The following CYTH3 variants were observed in gnomAD, a reference collection of about 807,000 sequenced individuals.
The protein encoded by CYTH3 is cytohesin 3, also known as cytohesin-3.
In CYTH3, 23 loss-of-function variants were observed where a neutral mutation model predicts 55.1. The ratio of observed to expected loss-of-function variants is 0.42; its 90% CI spans 0.30 to 0.59. The LOEUF (loss-of-function observed/expected upper bound fraction) is 0.59. Among genes scored for constraint, CYTH3 ranks in the 20% least tolerant of loss-of-function variants. The pLI, the probability that CYTH3 is intolerant of heterozygous loss-of-function variation, is 0.20. For synonymous variants in CYTH3, 249 were observed against 194.9 expected (o/e 1.28, Z -2.31); for missense variants, 413 against 524.8 (o/e 0.79, Z 2.08).
chr7:6,262,634 T>G (rs1399722437), intron 1 of CYTH3, among the ~76,000 whole-genome samples: 2 of 152,198 alleles, frequency 1.3e-5, no homozygotes, highest in African/African-American at 4.8e-5. Flanking sequence ...TTTGGATCAC[T>G]TGAGGCCAGT....
intron 1 of CYTH3, among the ~76,000 whole-genome samples, chr7:6,217,127 G>A (rs1473911874): frequency 1.3e-5 from 2 of 152,130 alleles, no homozygotes; most frequent in Non-Finnish European, 2.9e-5. Context: ...TGGCCAGGCT[G>A]GTCTCGAACT....
chr7:6,253,693 G>A (rs193273731), intron 1 of CYTH3, among the ~76,000 whole-genome samples: 1 of 152,270 alleles, frequency 6.6e-6, no homozygotes, highest in African/African-American at 2.4e-5. Context: ...GTAGGCACCT[G>A]TAGTCCCAGC....
chr7:6,182,100 T>G (rs1221951927), intron 4 of CYTH3, among the ~76,000 whole-genome samples: 2 of 152,162 alleles, frequency 1.3e-5, no homozygotes, highest in Non-Finnish European at 2.9e-5. Context: ...CAGGCTGGAG[T>G]GCATTAGTGC....
chr7:6,179,867 C>CCCACACACA (rs573069717), intron 4 of CYTH3, among the ~76,000 whole-genome samples: 1 of 142,212 alleles, frequency 7.0e-6, no homozygotes, highest in East Asian at 2.1e-4. Flanking sequence ...ACCACACACA[C>CCCACACACA]CCACACACAC....
At position 6,187,109 on chromosome 7, in the gene CYTH3, T is replaced by C; in HGVS notation, c.190A>G (p.Thr64Ala). Residue 64 changes from threonine to alanine, a missense_variant, in exon 4 of 13, where the codon ACT becomes GCT. By Grantham distance (58) the Thr-to-Ala change is moderately conservative. Around this residue, in one of 4 missense-constraint regions of CYTH3, gnomAD observed 152 missense variants for 148.1 expected, o/e 1.03. Coordinates refer to ENST00000350796, the MANE Select transcript of CYTH3 (RefSeq NM_004227.4). ...NLTSVEESKT[T>A]QRNKQIAMGR... is the part of the protein sequence containing the mutation. Reference sequence around the variant, plus strand: ...ATGGCTATCTGTTTGTTCCTCTGAGTCGTTTTGCTATTGGTGTGAAATAAT... The same window carrying C: ...ATGGCTATCTGTTTGTTCCTCTGAGCCGTTTTGCTATTGGTGTGAAATAAT... The C allele has an allele frequency of 6.2e-7, 1 of 1,614,154 alleles. No individual in the cohort carries two copies. The highest frequency in any genetic ancestry group is 2.2e-5 in the East Asian group (1 of 44,872).
At chr7:6,272,410 G>GGGGGGGGGGCCCC in intron 1 of CYTH3, 64 bp downstream of exon 1, 2 of 1,216,616 alleles carry the variant, frequency 1.6e-6, no homozygotes, top group Non-Finnish European at 2.1e-6. Flanking sequence ...CCGCGCCCTC[G>GGGGGGGGGGCCCC]ACCCCCAGCC....
At position 6,176,211 on chromosome 7, in the gene CYTH3, T is replaced by A. The variant is rs572153108; in HGVS notation, c.368+1612A>T. Among the ~76,000 whole-genome samples the A allele has an allele frequency of 2.6e-3, 389 of 152,010 alleles. 3 individuals carry two copies. The highest frequency in any genetic ancestry group is 0.01 in the Middle Eastern group (3 of 294). The stretch of plus-strand genomic sequence containing the variant: ...TATAAATGGAGCTGTTTACTTAATA[T>A]CTGTTTCAGTTTACTCATTGCTATT... On this transcript the variant is annotated intron_variant, in intron 5 of 12. Transcript: ENST00000350796.
intron 1 of CYTH3, among the ~76,000 whole-genome samples, chr7:6,270,195 T>C (rs527702100): frequency 2.6e-5 from 4 of 152,372 alleles, no homozygotes; most frequent in African/African-American, 9.6e-5. Flanking sequence ...ATAAAGTTTA[T>C]ACAATAATTA....
At chr7:6,181,586 T>A (rs1292056189) in intron 4 of CYTH3, among the ~76,000 whole-genome samples, 1 of 152,238 alleles carries the variant, frequency 6.6e-6, no homozygotes, top group Non-Finnish European at 1.5e-5. Flanking sequence ...ACTTGACACG[T>A]CTATGTGTAT....
chr7:6,265,618 C>CAAAAAAAAA (rs111748997), intron 1 of CYTH3, among the ~76,000 whole-genome samples: 1 of 109,908 alleles, frequency 9.1e-6, no homozygotes, highest in Non-Finnish European at 1.9e-5. Context: ...GACTCCATTT[C>CAAAAAAAAA]AAAAAAAAAA....
chr7:6,235,588 A>C (rs570161082), intron 1 of CYTH3, among the ~76,000 whole-genome samples: 3 of 152,254 alleles, frequency 2.0e-5, no homozygotes, highest in African/African-American at 7.2e-5. Context: ...GGTCCTGCCT[A>C]ACTCCGTACT....
chr7:6,253,918 G>A (rs540023201), intron 1 of CYTH3, among the ~76,000 whole-genome samples: 56 of 151,858 alleles, frequency 3.7e-4, no homozygotes, highest in African/African-American at 1.2e-3. Context: ...ACTTGAACCC[G>A]GGAGGCAGCG....
intron 5 of CYTH3, among the ~76,000 whole-genome samples, chr7:6,175,672 C>G (rs914178670): frequency 2.0e-5 from 3 of 151,552 alleles, no homozygotes; most frequent in African/African-American, 7.3e-5. Flanking sequence ...CTCAGCCTCC[C>G]GAGTGGCTGG....
intron 1 of CYTH3, among the ~76,000 whole-genome samples, chr7:6,213,195 T>C (rs1399450367): frequency 1.3e-5 from 2 of 152,208 alleles, no homozygotes; most frequent in East Asian, 1.9e-4. Flanking sequence ...TCTGCTGAAT[T>C]ATCAGACTAC....
intron 2 of CYTH3, among the ~76,000 whole-genome samples, chr7:6,188,255 C>G (rs1226120064): frequency 6.6e-6 from 1 of 151,880 alleles, no homozygotes; most frequent in Admixed American, 6.6e-5. Context: ...ACTGCATGAA[C>G]CCACGAGTTT....
At chr7:6,266,284 T>A (rs1274182260) in intron 1 of CYTH3, among the ~76,000 whole-genome samples, 1 of 152,158 alleles carries the variant, frequency 6.6e-6, no homozygotes, top group African/African-American at 2.4e-5. Flanking sequence ...CACAGCTCCA[T>A]CACCTGCTAG....
At chr7:6,235,975 T>C (rs1779512043) in intron 1 of CYTH3, among the ~76,000 whole-genome samples, 2 of 152,316 alleles carry the variant, frequency 1.3e-5, no homozygotes, top group Non-Finnish European at 2.9e-5. Flanking sequence ...TCACCTAGGA[T>C]TGGCTATTGC....
intron 4 of CYTH3, among the ~76,000 whole-genome samples, chr7:6,184,784 G>C (rs1424379883): frequency 6.6e-6 from 1 of 152,110 alleles, no homozygotes; most frequent in African/African-American, 2.4e-5. Context: ...CACCATGTTG[G>C]CCAGGCTGGT....
Position 6,164,219 on chromosome 7 carries a change from C to T in CYTH3, c.*725G>A, listed in dbSNP as rs952493792. ...CCCCGGGGCTTGTCTGACAGCCTGA[C>T]AGGGCAGGGCTGCACGCTGCCCCCG... is the stretch of plus-strand genomic sequence containing the variant. On this transcript the variant is annotated 3_prime_UTR_variant, in exon 13 of 13. Transcript: ENST00000350796. 6.6e-5 allele frequency: 10 copies of T among 152,612 alleles called. No homozygotes were observed. Among genetic ancestry groups the T allele is most frequent in the African/African-American group, 2.4e-4 (10 of 41,436 alleles). 9.5% of individuals were successfully genotyped at this position (152,612 alleles called of 1,614,324 possible).
Sources: gnomAD v4.1 joint callset for allele counts (sites outside exome capture counted in the v4.1 genomes callset) on GRCh38, gnomAD v4.1.1 for gene constraint, gnomAD v4.1.1 regional missense constraint, MANE v1.5 for transcripts, NCBI Gene and HGNC (gene_info 2026-07-23, HGNC 2026-07-21) for gene names.